Variants in TMEM72 observed in about 807,000 individuals in gnomAD.
TMEM72 encodes the protein kidney-specific secretory protein of 37 kDa.
A neutral mutation model predicts 16.3 loss-of-function variants in TMEM72; 9 were observed. The ratio of observed to expected loss-of-function variants is 0.55; its 90% CI spans 0.33 to 0.96. TMEM72 has a LOEUF of 0.96. TMEM72 is among the 40% of genes least tolerant of loss of function. TMEM72 has a pLI of 0.03. For missense variants in TMEM72, 324 were observed against 337.8 expected (o/e 0.96, Z 0.32); for synonymous variants, 160 against 146.5 (o/e 1.09, Z -0.66).
intron 4 of TMEM72, 38 bp from the exon 5 acceptor site, chr10:44,934,618 T>C (rs2132732851): frequency 2.7e-6 from 4 of 1,507,776 alleles, no homozygotes; most frequent in Non-Finnish European, 2.7e-6. Context: ...ATTTTTTCCG[T>C]GACTCCTCTA....
chr10:44,925,933 ATACACACACACT>A (rs1173792110), intron 1 of TMEM72, among the ~76,000 whole-genome samples: 4 of 152,212 alleles, frequency 2.6e-5, no homozygotes, highest in East Asian at 1.9e-4. Context: ...ATTCACACAC[ATACACACACACT>A]TACACACACA....
chr10:44,912,263 A>G (rs866725358), intron 1 of TMEM72, among the ~76,000 whole-genome samples: 6 of 152,160 alleles, frequency 3.9e-5, no homozygotes, highest in Non-Finnish European at 2.9e-5. Flanking sequence ...ACTGGACAGG[A>G]GGGCAGACTG....
intron 1 of TMEM72, chr10:44,922,987 T>A (rs1349114469): frequency 6.6e-6 from 1 of 152,258 alleles, no homozygotes; most frequent in Non-Finnish European, 1.5e-5. Context: ...AACAGCCCAC[T>A]CTAAAACGTA....
chr10:44,930,036 T>A (rs1840270683), intron 2 of TMEM72, among the ~76,000 whole-genome samples: 1 of 152,210 alleles, frequency 6.6e-6, no homozygotes, highest in Non-Finnish European at 1.5e-5. Context: ...TCCCTAACTC[T>A]CGGGTCAGGC....
chr10:44,933,546 C>A, intron 3 of TMEM72, 91 bp from the exon 4 acceptor site: 1 of 1,513,048 alleles, frequency 6.6e-7, no homozygotes. Flanking sequence ...AGAGCATGCC[C>A]ACAGCAGGGC....
At chr10:44,924,311 T>C (rs1840149813) in intron 1 of TMEM72, among the ~76,000 whole-genome samples, 1 of 152,200 alleles carries the variant, frequency 6.6e-6, no homozygotes, top group South Asian at 2.1e-4. Context: ...TCATCTTCCC[T>C]GATAGTCCCA....
At chr10:44,912,847 G>A (rs1839957315) in intron 1 of TMEM72, among the ~76,000 whole-genome samples, 1 of 152,196 alleles carries the variant, frequency 6.6e-6, no homozygotes, top group Non-Finnish European at 1.5e-5. Flanking sequence ...GTTAGATCAT[G>A]AAGGGCTGCT....
chr10:44,931,990 A>G lies in TMEM72; in HGVS notation c.138-8A>G, dbSNP rs1706106547. ...GCGCCAGCCTCCCTCACCTGTCTCC[A>G]CCTGCAGGTTTACAGGAGCCGCTGT... On this transcript the variant is annotated splice_polypyrimidine_tract_variant and splice_region_variant and intron_variant, in intron 2 of 4. Transcript: ENST00000389583. The G allele has an allele frequency of 6.2e-7, 1 of 1,611,612 alleles. No homozygotes were observed. The highest frequency in any genetic ancestry group is 1.3e-5 in the African/African-American group (1 of 75,010).
intron 1 of TMEM72, among the ~76,000 whole-genome samples, chr10:44,913,869 C>G (rs1443279156): frequency 1.3e-5 from 2 of 152,142 alleles, no homozygotes; most frequent in Non-Finnish European, 2.9e-5. Context: ...GGAAATAAGA[C>G]CGGAAATAGA....
rs1840404787 is a variant in TMEM72 at position 44,936,581 on chromosome 10, CA to C, written c.*1449del. The C allele has an allele frequency of 6.6e-6, 1 of 152,230 alleles. No homozygotes were observed. The highest frequency in any genetic ancestry group is 6.5e-5 in the Admixed American group (1 of 15,282). The allele number at this position is 152,230 out of a possible 1,614,324, so 9.4% of individuals were successfully genotyped here. A position where few individuals can be genotyped will look rare whatever the true frequency, so the allele number is the denominator to read the frequency against. On this transcript the variant is annotated 3_prime_UTR_variant, in exon 5 of 5. Coordinates refer to ENST00000389583, the MANE Select transcript of TMEM72 (RefSeq NM_001123376.3). Reference sequence around the variant, plus strand: ...CAAATGGCTAATCAAGACACTCCTGCAAGCCCTTGATGGTGAGAGCTGCAGA... The same window carrying C: ...CAAATGGCTAATCAAGACACTCCTGCAGCCCTTGATGGTGAGAGCTGCAGA...
chr10:44,911,813 C>T (rs1839942099), intron 1 of TMEM72, among the ~76,000 whole-genome samples: 1 of 152,190 alleles, frequency 6.6e-6, no homozygotes, highest in Admixed American at 6.5e-5. Context: ...CTTGGCAAGT[C>T]ACCCTCCCTG....
At chr10:44,923,592 A>G (rs942642072) in intron 1 of TMEM72, among the ~76,000 whole-genome samples, 13 of 152,142 alleles carry the variant, frequency 8.5e-5, no homozygotes, top group African/African-American at 3.1e-4. Flanking sequence ...CACTTGGGAG[A>G]TGTGCAGAGG....
chr10:44,925,884 C>A (rs1442024406), intron 1 of TMEM72, among the ~76,000 whole-genome samples: 1 of 152,136 alleles, frequency 6.6e-6, no homozygotes, highest in Non-Finnish European at 1.5e-5. Flanking sequence ...CTGCACATCA[C>A]ACATATACTC....
At chr10:44,914,218 G>C (rs985269652) in intron 1 of TMEM72, among the ~76,000 whole-genome samples, 5 of 152,218 alleles carry the variant, frequency 3.3e-5, no homozygotes, top group Non-Finnish European at 5.9e-5. Flanking sequence ...ATATCATGAG[G>C]GGTTGTAGAG....
chr10:44,927,327 A>G (rs2132723178), intron 1 of TMEM72, among the ~76,000 whole-genome samples: 1 of 152,314 alleles, frequency 6.6e-6, no homozygotes. Context: ...CCTATGACAG[A>G]TGAAAGTTCA....
chr10:44,924,044 C>A (rs1231033063), intron 1 of TMEM72, among the ~76,000 whole-genome samples: 1 of 152,212 alleles, frequency 6.6e-6, no homozygotes, highest in Non-Finnish European at 1.5e-5. Context: ...CCAAATATCA[C>A]TGAAGTCTCT....
chr10:44,924,274 C>T (rs1487720813), intron 1 of TMEM72, among the ~76,000 whole-genome samples: 1 of 152,200 alleles, frequency 6.6e-6, no homozygotes, highest in African/African-American at 2.4e-5. Context: ...CTGCTGCTTT[C>T]CTAGTCCACT....
At chr10:44,912,566 T>C (rs1280557723) in intron 1 of TMEM72, among the ~76,000 whole-genome samples, 2 of 152,262 alleles carry the variant, frequency 1.3e-5, no homozygotes, top group East Asian at 3.9e-4. Flanking sequence ...CCCAGCCTAG[T>C]CACTTGCGTG....
At chr10:44,913,638 A>T (rs1225005037) in intron 1 of TMEM72, among the ~76,000 whole-genome samples, 1 of 152,120 alleles carries the variant, frequency 6.6e-6, no homozygotes, top group Non-Finnish European at 1.5e-5. Context: ...CTTTCAAATG[A>T]TCTTGCTCGG....
Sources: gnomAD v4.1 joint callset for allele counts (sites outside exome capture counted in the v4.1 genomes callset) on GRCh38, gnomAD v4.1.1 for gene constraint, MANE v1.5 for transcripts, NCBI Gene and HGNC (gene_info 2026-07-23, HGNC 2026-07-21) for gene names.